CERS6: variants seen among roughly 807,000 people sequenced by gnomAD.
CERS6 encodes ceramide synthase 6, also known as LAG1 homolog, ceramide synthase 6.
Under a neutral mutation model 56.8 loss-of-function variants are expected in CERS6, and 26 were observed. That is an observed-to-expected ratio of 0.46 (90% CI 0.34 to 0.63). The LOEUF is 0.63. Among genes scored for constraint, CERS6 ranks in the 30% least tolerant of loss-of-function variants. The pLI is 0.01. For synonymous variants in CERS6, 164 were observed against 173.3 expected (o/e 0.95, Z 0.42); for missense variants, 415 against 467.5 (o/e 0.89, Z 1.04).
chr2:168,473,816 A>C (rs1694020923), intron 1 of CERS6, among the ~76,000 whole-genome samples: 1 of 152,198 alleles, frequency 6.6e-6, no homozygotes, highest in South Asian at 2.1e-4. Flanking sequence ...GTCCAGTATT[A>C]GTAGTTGATA....
Position 168,769,760 on chromosome 2 carries a change from A to T in CERS6, c.*98A>T. 1 of 1,271,242 alleles carries T rather than the reference A, an allele frequency of 7.9e-7. No homozygotes were observed. Among genetic ancestry groups the T allele is most frequent in the Non-Finnish European group, 1.1e-6 (1 of 894,882 alleles). The allele number at this position is 1,271,242 out of a possible 1,614,324, so 78.7% of individuals were successfully genotyped here. A position where few individuals can be genotyped will look rare whatever the true frequency, so the allele number is the denominator to read the frequency against. ...GTTCCTTTCATAATATCTCAGCACCAGAAACAAAAATTAAGATTATCAAAG... is the reference window on the plus strand; with the variant it reads ...GTTCCTTTCATAATATCTCAGCACCTGAAACAAAAATTAAGATTATCAAAG... On this transcript the variant is annotated 3_prime_UTR_variant, in exon 10 of 10. Coordinates refer to ENST00000305747, the MANE Select transcript of CERS6 (RefSeq NM_203463.3).
chr2:168,676,374 G>A (rs536528257), intron 4 of CERS6, among the ~76,000 whole-genome samples: 10 of 152,174 alleles, frequency 6.6e-5, no homozygotes, highest in African/African-American at 2.4e-4. Flanking sequence ...GTCCACTGAT[G>A]TACGGAGATC....
Position 168,571,701 on chromosome 2 carries a change from A to G in CERS6, c.407+10379A>G, listed in dbSNP as rs112416495. 5.0e-3 allele frequency among the ~76,000 whole-genome samples: 759 copies of G among 152,268 alleles called. 8 individuals are homozygous for G. Among genetic ancestry groups the G allele is most frequent in the African/African-American group, 0.016 (676 of 41,546 alleles). On this transcript the variant is annotated intron_variant, in intron 3 of 9. Transcript: ENST00000305747. Reference sequence around the variant, plus strand: ...AATTTTTGTAGGTACATAAATGGGTATATGTATTTATGGGGTATGTGAGAT... The same window carrying G: ...AATTTTTGTAGGTACATAAATGGGTGTATGTATTTATGGGGTATGTGAGAT...
chr2:168,537,430 C>T lies in CERS6; in HGVS notation c.171-10166C>T, dbSNP rs181474020. On this transcript the variant is annotated intron_variant, in intron 1 of 9. Coordinates refer to ENST00000305747, the MANE Select transcript of CERS6 (RefSeq NM_203463.3). ...ATTTTAACAATGCCTCTTTAATTTA[C>T]TTTTCTTATTTTAGGGAGAGTGGCT... Among the ~76,000 whole-genome samples the T allele has an allele frequency of 6.6e-5, 10 of 152,240 alleles. No individual in the cohort carries two copies. The East Asian group carries it at 1.9e-3, about 29-fold the overall frequency.
chr2:168,541,940 T>C (rs1027727077), intron 1 of CERS6, among the ~76,000 whole-genome samples: 2 of 152,206 alleles, frequency 1.3e-5, no homozygotes, highest in Non-Finnish European at 2.9e-5. Flanking sequence ...AAAGAGGATG[T>C]GTTTTTCTAT....
chr2:168,720,286 A>C (rs1362048416), intron 8 of CERS6, among the ~76,000 whole-genome samples: 2 of 152,172 alleles, frequency 1.3e-5, no homozygotes, highest in Non-Finnish European at 2.9e-5. Context: ...GAGTATTTAC[A>C]GTCTTTTAAT....
intron 4 of CERS6, among the ~76,000 whole-genome samples, chr2:168,648,149 TTTG>T (rs1045769901): frequency 2.6e-5 from 4 of 152,176 alleles, no homozygotes; most frequent in Admixed American, 1.3e-4. Context: ...TCCTGGGCTT[TTTG>T]TTGTTGTTGT....
At chr2:168,730,693 C>G (rs1003984938) in intron 8 of CERS6, among the ~76,000 whole-genome samples, 2 of 152,076 alleles carry the variant, frequency 1.3e-5, no homozygotes, top group African/African-American at 4.8e-5. Context: ...TGCAGCTACC[C>G]AATGTAACTA....
rs555317888 is a variant in CERS6 at position 168,680,488 on chromosome 2, T to C, written c.466-10546T>C. Among the ~76,000 whole-genome samples the C allele has an allele frequency of 3.9e-5, 6 of 152,218 alleles. No homozygotes were observed. In the South Asian group the frequency reaches 1.2e-3, roughly 32 times the overall value. On this transcript the variant is annotated intron_variant, in intron 4 of 9. Coordinates refer to ENST00000305747, the MANE Select transcript of CERS6 (RefSeq NM_203463.3). ...CTGGCAGTTCCCTTCCTCCATCTGC[T>C]CACTGACTACATTCTGTTTGTCCTC...
At chr2:168,469,140 T>C (rs1195149278) in intron 1 of CERS6, among the ~76,000 whole-genome samples, 1 of 152,236 alleles carries the variant, frequency 6.6e-6, no homozygotes, top group Non-Finnish European at 1.5e-5. Context: ...GTATGTATTT[T>C]TTTTCTTTAA....
intron 8 of CERS6, among the ~76,000 whole-genome samples, chr2:168,760,853 T>C (rs1376156838): frequency 2.0e-5 from 3 of 152,102 alleles, no homozygotes; most frequent in African/African-American, 7.2e-5. Context: ...CCTCCCGGGT[T>C]CACGCCATTC....
chr2:168,556,151 A>G (rs1400406522), intron 2 of CERS6, among the ~76,000 whole-genome samples: 1 of 152,130 alleles, frequency 6.6e-6, no homozygotes, highest in Admixed American at 6.5e-5. Context: ...AAACCCATCC[A>G]GCTCTCTTTT....
In CERS6 at chr2:168,590,642, T is replaced by C. The variant is rs1049188688; in HGVS notation, c.407+29320T>C. Among the ~76,000 whole-genome samples, 4 of 152,224 alleles carry C rather than the reference T, an allele frequency of 2.6e-5. No homozygotes were observed. In the East Asian group the frequency reaches 5.8e-4, roughly 22 times the overall value. ...CAATGTATAATTTTGTTTTTTAATATAGTTGTGGGGTCATGTTACGTATAC... is the reference window on the plus strand; with the variant it reads ...CAATGTATAATTTTGTTTTTTAATACAGTTGTGGGGTCATGTTACGTATAC... On this transcript the variant is annotated intron_variant, in intron 3 of 9. Transcript: ENST00000305747.
intron 8 of CERS6, 110 bp downstream of exon 8, chr2:168,718,088 G>A: frequency 1.4e-6 from 1 of 715,666 alleles, no homozygotes; most frequent in Non-Finnish European, 2.3e-6. Context: ...AATATATTGG[G>A]GGGGAGGGGA....
intron 3 of CERS6, among the ~76,000 whole-genome samples, chr2:168,591,731 A>G (rs866418574): frequency 6.6e-6 from 1 of 152,330 alleles, no homozygotes; most frequent in Admixed American, 6.5e-5. Flanking sequence ...TGTTATAAAG[A>G]TGCATAAAAA....
At position 168,761,057 on chromosome 2, in the gene CERS6, G is replaced by A. The variant is rs146273117; in HGVS notation, c.846-4535G>A. On this transcript the variant is annotated intron_variant, in intron 8 of 9. Coordinates refer to ENST00000305747, the MANE Select transcript of CERS6 (RefSeq NM_203463.3). The stretch of plus-strand genomic sequence containing the variant: ...TAGGCGTGAGCCACCGCGCCCGGCC[G>A]GGTTTACTGTTTATTAGAGTCCAGG... 4.9e-3 allele frequency among the ~76,000 whole-genome samples: 741 copies of A among 152,134 alleles called. 7 individuals are homozygous for A. The highest frequency in any genetic ancestry group is 0.017 in the African/African-American group (688 of 41,498).
chr2:168,466,050 G>A (rs1038427480), intron 1 of CERS6, among the ~76,000 whole-genome samples: 1 of 150,724 alleles, frequency 6.6e-6, no homozygotes, highest in African/African-American at 2.5e-5. Flanking sequence ...CTCAAATCTA[G>A]GAGAGCGCCT....
In CERS6 at chr2:168,774,783, A is replaced by T. The variant is rs994703216; in HGVS notation, c.*5121A>T. On this transcript the variant is annotated 3_prime_UTR_variant, in exon 10 of 10. Transcript: ENST00000305747. ...AAAGTTTCATAAAGCCCCTAAGCTCATGATTTTCATCAACTCTTTGCCCAC... is the reference window on the plus strand; with the variant it reads ...AAAGTTTCATAAAGCCCCTAAGCTCTTGATTTTCATCAACTCTTTGCCCAC... The T allele has an allele frequency of 3.9e-5, 6 of 152,198 alleles. No individual in the cohort carries two copies. Among genetic ancestry groups the T allele is most frequent in the Non-Finnish European group, 7.3e-5 (5 of 68,030 alleles). 9.4% of individuals were successfully genotyped at this position (152,198 alleles called of 1,614,324 possible).
intron 3 of CERS6, among the ~76,000 whole-genome samples, chr2:168,617,258 C>G (rs997623902): frequency 6.6e-6 from 1 of 152,032 alleles, no homozygotes; most frequent in Non-Finnish European, 1.5e-5. Context: ...GTTCATAGCC[C>G]TAAATGCCTA....
Sources: gnomAD v4.1 joint callset for allele counts (sites outside exome capture counted in the v4.1 genomes callset) on GRCh38, gnomAD v4.1.1 for gene constraint, MANE v1.5 for transcripts, NCBI Gene and HGNC (gene_info 2026-07-23, HGNC 2026-07-21) for gene names.